The following ERBB4 variants were observed in gnomAD, a reference collection of about 807,000 sequenced individuals.
ERBB4 encodes receptor tyrosine-protein kinase erbB-4.
A neutral mutation model predicts 158.0 loss-of-function variants in ERBB4; 42 were observed. The observed-to-expected ratio is 0.27, with a 90% CI of 0.21 to 0.34. The LOEUF (loss-of-function observed/expected upper bound fraction) is 0.34. Ranked by LOEUF, ERBB4 falls within the 10% of genes least tolerant of loss-of-function variation. The pLI is 1.00. For missense variants in ERBB4, 1,333 were observed against 1,624.1 expected, an observed-to-expected ratio of 0.82 and a Z score of 3.08; for synonymous variants, 583 against 558.7, an observed-to-expected ratio of 1.04 and a Z score of -0.61.
At chr2:211,669,582 A>G (rs888945978) in intron 14 of ERBB4, among the ~76,000 whole-genome samples, 3 of 152,190 alleles carry the variant, frequency 2.0e-5, no homozygotes, top group African/African-American at 7.2e-5. Flanking sequence ...ATTATAAAAA[A>G]TTAAATAAAA....
At chr2:211,807,120 G>A (rs908984926) in intron 3 of ERBB4, among the ~76,000 whole-genome samples, 3 of 152,102 alleles carry the variant, frequency 2.0e-5, no homozygotes, top group Non-Finnish European at 1.5e-5. Context: ...ATGAGCTAGA[G>A]AGTAGACAAA....
At chr2:211,546,034 T>G (rs2066931740) in intron 20 of ERBB4, among the ~76,000 whole-genome samples, 1 of 152,124 alleles carries the variant, frequency 6.6e-6, no homozygotes, top group Admixed American at 6.6e-5. Flanking sequence ...TTTGTTCATA[T>G]TTTACCTTAG....
At chr2:212,402,201 C>T (rs2091226905) in intron 1 of ERBB4, among the ~76,000 whole-genome samples, 1 of 151,996 alleles carries the variant, frequency 6.6e-6, no homozygotes, top group African/African-American at 2.4e-5. Context: ...TGTTGTTACA[C>T]ATATAACCTG....
chr2:212,162,262 C>T (rs1273497106), intron 1 of ERBB4, among the ~76,000 whole-genome samples: 1 of 151,830 alleles, frequency 6.6e-6, no homozygotes, highest in Non-Finnish European at 1.5e-5. Flanking sequence ...ATTACTCATA[C>T]ATGCACCAAC....
intron 3 of ERBB4, among the ~76,000 whole-genome samples, chr2:211,924,203 C>G (rs1014421017): frequency 6.6e-6 from 1 of 152,174 alleles, no homozygotes; most frequent in South Asian, 2.1e-4. Context: ...GCTAGGAGTC[C>G]CATAGCACAC....
chr2:212,389,317 A>C (rs376369090), intron 1 of ERBB4, among the ~76,000 whole-genome samples: 1 of 152,230 alleles, frequency 6.6e-6, no homozygotes, highest in Non-Finnish European at 1.5e-5. Context: ...AGTATAGACC[A>C]TATACACATA....
chr2:211,864,213 T>C (rs554203200), intron 3 of ERBB4, among the ~76,000 whole-genome samples: 189 of 152,354 alleles, frequency 1.2e-3, no homozygotes, highest in Non-Finnish European at 2.1e-3. Context: ...CTCCTTCTTT[T>C]CTGGGATGCT....
chr2:212,099,737 T>TTA (rs1553557603), intron 2 of ERBB4, among the ~76,000 whole-genome samples: 7 of 17,944 alleles, frequency 3.9e-4, no homozygotes, highest in African/African-American at 3.7e-3. Flanking sequence ...TGTTTTACAG[T>TTA]TTTTTTTTTT....
intron 20 of ERBB4, among the ~76,000 whole-genome samples, chr2:211,530,514 G>A (rs1024591516): frequency 2.0e-5 from 3 of 152,062 alleles, no homozygotes; most frequent in Admixed American, 6.5e-5. Context: ...AATTTATATG[G>A]AACCATAAAA....
intron 7 of ERBB4, among the ~76,000 whole-genome samples, chr2:211,720,293 C>G (rs2074052751): frequency 6.6e-6 from 1 of 152,208 alleles, no homozygotes; most frequent in African/African-American, 2.4e-5. Context: ...TCTTTGGTAT[C>G]CTTCATTCCT....
chr2:211,600,965 A>G (rs1306561220), intron 19 of ERBB4, among the ~76,000 whole-genome samples: 1 of 152,168 alleles, frequency 6.6e-6, no homozygotes, highest in African/African-American at 2.4e-5. Context: ...AGTTCAAATC[A>G]ACAGATATTT....
chr2:212,363,675 G>T (rs1574772883), intron 1 of ERBB4, among the ~76,000 whole-genome samples: 1 of 151,416 alleles, frequency 6.6e-6, no homozygotes. Flanking sequence ...TATATATTTG[G>T]AAATGAGTTA....
At chr2:212,279,324 G>T (rs1250190519) in intron 1 of ERBB4, among the ~76,000 whole-genome samples, 1 of 151,478 alleles carries the variant, frequency 6.6e-6, no homozygotes, top group Admixed American at 6.6e-5. Context: ...TTATTTTAAT[G>T]ATTGGAATTC....
At chr2:212,410,232 G>A (rs2091458008) in intron 1 of ERBB4, among the ~76,000 whole-genome samples, 1 of 147,594 alleles carries the variant, frequency 6.8e-6, no homozygotes, top group African/African-American at 2.5e-5. Context: ...ACTCTGTAAT[G>A]TATTTATTGC....
chr2:211,616,383 T>C (rs1269545391), intron 19 of ERBB4, among the ~76,000 whole-genome samples: 68 of 152,136 alleles, frequency 4.5e-4, no homozygotes, highest in Admixed American at 4.3e-3. Context: ...TTCACATTCT[T>C]ATTTCAAGGG....
intron 19 of ERBB4, among the ~76,000 whole-genome samples, chr2:211,599,513 CTGTGTG>C (rs6147153): frequency 1.4e-5 from 2 of 140,804 alleles, no homozygotes; most frequent in Non-Finnish European, 1.6e-5. Flanking sequence ...ATAATTTCTT[CTGTGTG>C]TGTGTGTGTG....
intron 1 of ERBB4, among the ~76,000 whole-genome samples, chr2:212,134,910 T>G (rs62184043): frequency 0.4 from 60,372 of 151,804 alleles, 14,681 homozygotes; most frequent in Non-Finnish European, 0.54. Flanking sequence ...ATGGTCTCGA[T>G]CTCCTGACCT....
intron 1 of ERBB4, among the ~76,000 whole-genome samples, chr2:212,138,005 A>G (rs2080328888): frequency 6.6e-6 from 1 of 152,248 alleles, no homozygotes; most frequent in Non-Finnish European, 1.5e-5. Context: ...TGTAAAAGGA[A>G]TAATAAATAC....
At chr2:211,972,015 C>T (rs1289413167) in intron 2 of ERBB4, among the ~76,000 whole-genome samples, 1 of 152,092 alleles carries the variant, frequency 6.6e-6, no homozygotes, top group African/African-American at 2.4e-5. Flanking sequence ...CTAGAAAACC[C>T]CATAGTCTCA....
Sources: gnomAD v4.1 joint callset for allele counts (sites outside exome capture counted in the v4.1 genomes callset) on GRCh38, gnomAD v4.1.1 for gene constraint, MANE v1.5 for transcripts, NCBI Gene and HGNC (gene_info 2026-07-23, HGNC 2026-07-21) for gene names.